The following PDE3A variants were observed in gnomAD, a reference collection of about 807,000 sequenced individuals.
The protein encoded by PDE3A is cGMP-inhibited 3',5'-cyclic phosphodiesterase 3A.
PDE3A carries 43 observed loss-of-function variants against 98.3 expected under a neutral mutation model. The ratio of observed to expected loss-of-function variants is 0.44; its 90% CI spans 0.34 to 0.56. The LOEUF is 0.56. PDE3A is among the 20% of genes least tolerant of loss of function. PDE3A has a pLI of 0.01. For missense variants in PDE3A, 1,427 were observed against 1,440.7 expected, an observed-to-expected ratio of 0.99 and a Z score of 0.15; for synonymous variants, 663 against 567.9, an observed-to-expected ratio of 1.17 and a Z score of -2.38.
At chr12:20,386,516 T>C (rs1943810172) in intron 1 of PDE3A, among the ~76,000 whole-genome samples, 2 of 151,758 alleles carry the variant, frequency 1.3e-5, no homozygotes, top group Admixed American at 1.3e-4. Context: ...TCTTTCTTTT[T>C]TTCTGGTAGA....
At chr12:20,441,471 T>G (rs2120844392) in intron 1 of PDE3A, among the ~76,000 whole-genome samples, 1 of 152,334 alleles carries the variant, frequency 6.6e-6, no homozygotes, top group Middle Eastern at 3.4e-3. Context: ...GACAAGTTAA[T>G]TCTCACTAAG....
At position 20,686,182 on chromosome 12, in the gene PDE3A, T is replaced by G; in HGVS notation, c.*5911T>G. ...TCTACAAGCCTCATGGGGAAAATGT[T>G]TTATGAAGGATTCAAATACATTAGA... On this transcript the variant is annotated 3_prime_UTR_variant, in exon 16 of 16. Transcript: ENST00000359062. Among the ~76,000 whole-genome samples, 1 of 152,152 alleles carries G rather than the reference T, an allele frequency of 6.6e-6. No homozygotes were observed. The highest frequency in any genetic ancestry group is 1.9e-4 in the East Asian group (1 of 5,190).
At chr12:20,615,094 T>C (rs940869088) in intron 3 of PDE3A, among the ~76,000 whole-genome samples, 1 of 140,352 alleles carries the variant, frequency 7.1e-6, no homozygotes, top group African/African-American at 2.7e-5. Flanking sequence ...TGATTTTCGC[T>C]CACTGCATGT....
At chr12:20,461,067 A>G (rs1044177898) in intron 1 of PDE3A, among the ~76,000 whole-genome samples, 1 of 152,088 alleles carries the variant, frequency 6.6e-6, no homozygotes, top group African/African-American at 2.4e-5. Context: ...GCTGGTATAT[A>G]ATATTAAGTG....
chr12:20,516,183 T>C (rs1294479417), intron 1 of PDE3A, among the ~76,000 whole-genome samples: 2 of 152,130 alleles, frequency 1.3e-5, no homozygotes, highest in Non-Finnish European at 2.9e-5. Context: ...TTTTTTTTCA[T>C]AGATTCTTAC....
At chr12:20,529,582 G>A (rs1218615159) in intron 1 of PDE3A, among the ~76,000 whole-genome samples, 1 of 152,014 alleles carries the variant, frequency 6.6e-6, no homozygotes, top group Non-Finnish European at 1.5e-5. Context: ...GAGGGCAGAT[G>A]GCCATCTGAA....
chr12:20,475,213 G>T (rs1051873193), intron 1 of PDE3A, among the ~76,000 whole-genome samples: 3 of 146,546 alleles, frequency 2.0e-5, no homozygotes, highest in Non-Finnish European at 4.6e-5. Flanking sequence ...GTGTGTGTGT[G>T]TGTGTATGTT....
intron 1 of PDE3A, among the ~76,000 whole-genome samples, chr12:20,432,666 T>C (rs1944717980): frequency 6.6e-6 from 1 of 152,334 alleles, no homozygotes; most frequent in Admixed American, 6.5e-5. Context: ...TTCTCTTCTT[T>C]CCTTTTTCCA....
chr12:20,466,389 C>T (rs367822057), intron 1 of PDE3A, among the ~76,000 whole-genome samples: 15 of 152,234 alleles, frequency 9.9e-5, no homozygotes, highest in African/African-American at 1.7e-4. Context: ...TGCAAAGCAA[C>T]AATTCTCCTG....
chr12:20,596,511 CA>C (rs1943470370), intron 2 of PDE3A, among the ~76,000 whole-genome samples: 1 of 152,112 alleles, frequency 6.6e-6, no homozygotes, highest in Admixed American at 6.5e-5. Context: ...GACTTGTAGA[CA>C]GATACATCAT....
rs78710590 is a variant in PDE3A, at chr12:20,482,317, C to T, written c.961-74343C>T. Among the ~76,000 whole-genome samples the T allele has an allele frequency of 8.5e-3, 1,285 of 151,090 alleles. 9 individuals are homozygous for T. The highest frequency in any genetic ancestry group is 0.012 in the Non-Finnish European group (843 of 67,896). On this transcript the variant is annotated intron_variant, in intron 1 of 15. Transcript: ENST00000359062. ...CACAAATATTTTTGTTCCAGAATAA[C>T]TTACCAGAAGGCCATGGCATAGAGA...
intron 1 of PDE3A, among the ~76,000 whole-genome samples, chr12:20,488,694 A>G (rs1004803439): frequency 1.3e-5 from 2 of 152,036 alleles, no homozygotes; most frequent in Non-Finnish European, 2.9e-5. Context: ...CAAAATAACA[A>G]TAACAACAAA....
rs1944532541 is a variant in PDE3A, at chr12:20,637,126, T to G, written c.2028T>G (p.Pro676=). 1 of 1,609,146 alleles carries G rather than the reference T, an allele frequency of 6.2e-7. No homozygotes were observed. Among genetic ancestry groups the G allele is most frequent in the African/African-American group, 1.3e-5 (1 of 74,668 alleles). The change falls in exon 9 of 16, where the codon CCT becomes CCG. Residue 676 remains proline (P), a synonymous_variant. Transcript: ENST00000359062. ...ACAAACCAATTCTTGCTCCCGAACC[T>G]CTTGTCATGGATAACCTGGACTCAA... ...FLDKPILAPE[P]LVMDNLDSIM... is the part of the protein sequence containing the mutation.
chr12:20,422,492 A>G (rs1487809420), intron 1 of PDE3A, among the ~76,000 whole-genome samples: 2 of 152,208 alleles, frequency 1.3e-5, no homozygotes, highest in Non-Finnish European at 2.9e-5. Context: ...ATTAAATCTA[A>G]CACCTTTGAA....
intron 1 of PDE3A, among the ~76,000 whole-genome samples, chr12:20,492,558 A>C (rs539004266): frequency 4.6e-5 from 7 of 152,274 alleles, no homozygotes; most frequent in South Asian, 2.1e-4. Context: ...AGTGGTTATC[A>C]CTAGGACCAA....
At chr12:20,567,358 T>G (rs1041468620) in intron 2 of PDE3A, among the ~76,000 whole-genome samples, 2 of 152,012 alleles carry the variant, frequency 1.3e-5, no homozygotes, top group African/African-American at 2.4e-5. Context: ...CCAAGAAGCC[T>G]TTTGTTTTAT....
chr12:20,575,939 G>A (rs550712187), intron 2 of PDE3A, among the ~76,000 whole-genome samples: 95 of 151,898 alleles, frequency 6.3e-4, no homozygotes, highest in African/African-American at 2.1e-3. Flanking sequence ...ATTTGTATAT[G>A]TACACAAAGA....
chr12:20,541,952 T>C (rs1941923534), intron 1 of PDE3A, among the ~76,000 whole-genome samples: 2 of 152,064 alleles, frequency 1.3e-5, no homozygotes, highest in South Asian at 2.1e-4. Flanking sequence ...TAAAATCTAA[T>C]TGAAAGTGGA....
chr12:20,581,859 G>A (rs1304627929), intron 2 of PDE3A, among the ~76,000 whole-genome samples: 1 of 151,936 alleles, frequency 6.6e-6, no homozygotes, highest in African/African-American at 2.4e-5. Flanking sequence ...TGATCCGCCC[G>A]CCTCGGCCTC....
Sources: gnomAD v4.1 joint callset for allele counts (sites outside exome capture counted in the v4.1 genomes callset) on GRCh38, gnomAD v4.1.1 for gene constraint, MANE v1.5 for transcripts, NCBI Gene and HGNC (gene_info 2026-07-23, HGNC 2026-07-21) for gene names.